Variants in TEX14 observed in about 807,000 individuals in gnomAD.
TEX14 encodes the protein inactive serine/threonine-protein kinase TEX14.
A neutral mutation model predicts 178.6 loss-of-function variants in TEX14; 168 were observed. The ratio of observed to expected loss-of-function variants is 0.94; its 90% CI spans 0.83 to 1.07. The LOEUF (loss-of-function observed/expected upper bound fraction) is 1.07, where lower values mean the gene tolerates loss of function less well. Among genes scored for constraint, TEX14 ranks in the 50% least tolerant of loss-of-function variants. The pLI, the probability that TEX14 is intolerant of heterozygous loss-of-function variation, is 0.00. For missense variants in TEX14, 1,730 were observed against 1,753.6 expected, an observed-to-expected ratio of 0.99 and a Z score of 0.24; for synonymous variants, 626 against 634.1, an observed-to-expected ratio of 0.99 and a Z score of 0.19.
chr17:58,614,175 T>C (rs2045816101), intron 8 of TEX14, among the ~76,000 whole-genome samples: 1 of 152,162 alleles, frequency 6.6e-6, no homozygotes, highest in Admixed American at 6.5e-5. Flanking sequence ...ACTCATTTTA[T>C]AGATGAGGAG....
At chr17:58,579,416 A>T (rs1476771011) in intron 20 of TEX14, among the ~76,000 whole-genome samples, 6 of 152,244 alleles carry the variant, frequency 3.9e-5, no homozygotes, top group Admixed American at 6.5e-5. Flanking sequence ...CAGTGACTAC[A>T]ACAACATTTG....
At chr17:58,621,561 G>A in intron 5 of TEX14, 89 bp downstream of exon 5, 2 of 1,363,520 alleles carry the variant, frequency 1.5e-6, no homozygotes, top group South Asian at 1.4e-5. Flanking sequence ...GCACTGATGT[G>A]GAGGAGCTGA....
chr17:58,620,859 G>A (rs2045981881), intron 5 of TEX14, among the ~76,000 whole-genome samples: 1 of 152,094 alleles, frequency 6.6e-6, no homozygotes. Context: ...AGAGTGGCAC[G>A]CAGCACAGCC....
chr17:58,627,592 G>A (rs906695017), intron 3 of TEX14, among the ~76,000 whole-genome samples: 11 of 151,968 alleles, frequency 7.2e-5, no homozygotes, highest in Non-Finnish European at 1.0e-4. Flanking sequence ...CCAACAAGGT[G>A]AAACCGCATC....
chr17:58,616,459 G>A (rs1453767888), intron 6 of TEX14, 154 bp from the exon 7 acceptor site: 3 of 866,478 alleles, frequency 3.5e-6, no homozygotes, highest in South Asian at 1.9e-5. Flanking sequence ...TTTGAGACAG[G>A]GTATCACTGT....
intron 1 of TEX14, among the ~76,000 whole-genome samples, chr17:58,687,249 C>G (rs1198664373): frequency 1.3e-5 from 2 of 152,146 alleles, no homozygotes; most frequent in South Asian, 2.1e-4. Context: ...ACTCTGGACT[C>G]AGCAGCTGAC....
chr17:58,614,434 G>A (rs1354505826), intron 8 of TEX14, among the ~76,000 whole-genome samples: 1 of 152,204 alleles, frequency 6.6e-6, no homozygotes, highest in Non-Finnish European at 1.5e-5. Context: ...AGGTTGCAGT[G>A]AGCCTAGATG....
At chr17:58,640,214 G>A (rs1468139731) in intron 2 of TEX14, among the ~76,000 whole-genome samples, 1 of 151,874 alleles carries the variant, frequency 6.6e-6, no homozygotes, top group African/African-American at 2.4e-5. Context: ...GGGAGGCTGA[G>A]GCACGAGAAA....
intron 15 of TEX14, among the ~76,000 whole-genome samples, chr17:58,592,009 A>T (rs1361238997): frequency 6.6e-6 from 1 of 151,678 alleles, no homozygotes; most frequent in Non-Finnish European, 1.5e-5. Context: ...CAGTGAGTCG[A>T]GATCACGCCA....
chr17:58,656,941 A>AG (rs1166635964), intron 1 of TEX14, among the ~76,000 whole-genome samples: 27 of 150,524 alleles, frequency 1.8e-4, no homozygotes, highest in African/African-American at 4.9e-4. Context: ...AAAAAAAAAA[A>AG]AAAAAAAAGA....
intron 1 of TEX14, among the ~76,000 whole-genome samples, chr17:58,674,275 C>CA (rs544296706): frequency 0.19 from 25,168 of 134,298 alleles, 2,199 homozygotes; most frequent in Non-Finnish European, 0.21. Context: ...GACTCTGTCT[C>CA]AAAAAAAAAA....
Position 58,651,878 on chromosome 17 carries a change from T to A in TEX14, c.124A>T (p.Ile42Phe). Reference sequence around the variant, plus strand: ...ACATGGTGCTTACCTTTCTTAAGAATTTTCTTCACTTTCACATAGTTCCCT... The same window carrying A: ...ACATGGTGCTTACCTTTCTTAAGAAATTTCTTCACTTTCACATAGTTCCCT... ...KQGNYVKVKK[I>F]LKKGIYVDAV... Residue 42 changes from isoleucine (I) to phenylalanine (F), a missense_variant, in exon 2 of 32, where the codon ATT (isoleucine) becomes TTT (phenylalanine). Coordinates refer to ENST00000349033, the MANE Select transcript of TEX14 (RefSeq NM_031272.5). 6.2e-7 allele frequency: 1 copy of A among 1,606,380 alleles called. No homozygotes were observed. Among genetic ancestry groups the A allele is most frequent in the East Asian group, 2.2e-5 (1 of 44,840 alleles).
In TEX14 at chr17:58,559,499, T is replaced by C. The variant is rs1014674825; in HGVS notation, c.4221A>G (p.Thr1407=). ...CACCCTCTGATTTCCTTCTTTCTGGTGTAATGCTATCTTCCCTTTTTCTTT... is the reference window on the plus strand; with the variant it reads ...CACCCTCTGATTTCCTTCTTTCTGGCGTAATGCTATCTTCCCTTTTTCTTT... ...EEKRKREDSI[T]PERRKSEGVL... Residue 1407 remains threonine (T), a synonymous_variant, in exon 30 of 32, where the codon ACA becomes ACG. Transcript: ENST00000349033. 11 of 1,571,970 alleles carry C rather than the reference T, an allele frequency of 7.0e-6. No homozygotes were observed. Among genetic ancestry groups the C allele is most frequent in the Non-Finnish European group, 9.6e-6 (11 of 1,143,150 alleles).
chr17:58,602,005 T>G (rs1410320457), intron 12 of TEX14, 49 bp from the exon 13 acceptor site: 3 of 1,593,226 alleles, frequency 1.9e-6, no homozygotes, highest in Non-Finnish European at 2.6e-6. Context: ...TCATCCTGAA[T>G]GTCACTGGTG....
chr17:58,623,011 G>C lies in TEX14; in HGVS notation c.253C>G (p.Arg85Gly). 6.3e-7 allele frequency: 1 copy of C among 1,588,360 alleles called. No individual in the cohort carries two copies. The highest frequency in any genetic ancestry group is 8.6e-7 in the Non-Finnish European group (1 of 1,158,746). Residue 85 changes from arginine to glycine, a missense_variant and splice_region_variant, in exon 4 of 32, where the codon CGC becomes GGC. By Grantham distance (125) the Arg-to-Gly change is moderately radical. This residue lies in a region of TEX14 where 789 missense variants were observed against 681.2 expected (regional missense o/e 1.16). Coordinates refer to ENST00000349033, the MANE Select transcript of TEX14 (RefSeq NM_031272.5). Reference protein sequence around the residue: ...LVDYGSDPNHRCFDGSTPVHA... With the variant: ...LVDYGSDPNHGCFDGSTPVHA... Reference sequence around the variant, plus strand: ...ACAGGGGTGCTCCCATCAAAGCAGCGGCTGGGGAGGGAGATGAGTACAATT... The same window carrying C: ...ACAGGGGTGCTCCCATCAAAGCAGCCGCTGGGGAGGGAGATGAGTACAATT...
intron 1 of TEX14, chr17:58,675,299 G>A (rs1475388219): frequency 6.5e-6 from 1 of 152,802 alleles, no homozygotes; most frequent in Non-Finnish European, 1.5e-5. Context: ...GGCTATGGGT[G>A]GGCAAACTAG....
intron 5 of TEX14, 83 bp downstream of exon 5, chr17:58,621,567 G>A: frequency 7.0e-7 from 1 of 1,422,860 alleles, no homozygotes; most frequent in Non-Finnish European, 9.6e-7. Context: ...ATGTGGAGGA[G>A]CTGAGGCAAC....
At chr17:58,584,751 A>C in intron 18 of TEX14, 151 bp from the exon 19 acceptor site, 1 of 650,656 alleles carries the variant, frequency 1.5e-6, no homozygotes, top group Non-Finnish European at 2.7e-6. Context: ...GAGAGTAGAG[A>C]CTGTTAGTTT....
intron 1 of TEX14, among the ~76,000 whole-genome samples, chr17:58,657,326 T>G (rs2046990105): frequency 6.6e-6 from 1 of 151,806 alleles, no homozygotes; most frequent in South Asian, 2.1e-4. Context: ...TTGTCTTGTC[T>G]GTGTGTCAGG....
Sources: allele counts gnomAD v4.1 joint callset (sites outside exome capture counted in the v4.1 genomes callset), GRCh38; gene constraint gnomAD v4.1.1; regional missense constraint gnomAD v4.1.1; transcripts MANE v1.5; gene names NCBI Gene and HGNC (gene_info 2026-07-23, HGNC 2026-07-21).